MINK1: variants seen among roughly 807,000 people sequenced by gnomAD.
MINK1 encodes misshapen-like kinase 1.
Under a neutral mutation model 178.4 loss-of-function variants are expected in MINK1, and 46 were observed. The observed-to-expected ratio is 0.26, with a 90% CI of 0.20 to 0.33. The LOEUF (loss-of-function observed/expected upper bound fraction) is 0.33, where lower values mean the gene tolerates loss of function less well. Ranked by LOEUF, MINK1 falls within the 10% of genes least tolerant of loss-of-function variation. The pLI, the probability that MINK1 is intolerant of heterozygous loss-of-function variation, is 1.00. For synonymous variants in MINK1, 797 were observed against 709.7 expected (o/e 1.12, Z -1.96); for missense variants, 1,366 against 1,814.9 (o/e 0.75, Z 4.49).
intron 1 of MINK1, among the ~76,000 whole-genome samples, chr17:4,852,157 G>C (rs1912107267): frequency 6.6e-6 from 1 of 152,130 alleles, no homozygotes; most frequent in South Asian, 2.1e-4. Flanking sequence ...AATATTCAAG[G>C]ATTATTTTGG....
Position 4,892,248 on chromosome 17 carries a change from A to AG in MINK1, c.2087+17dup. 1.3e-6 allele frequency: 2 copies of AG among 1,559,822 alleles called. No individual in the cohort carries two copies. Among genetic ancestry groups the AG allele is most frequent in the Non-Finnish European group, 1.7e-6 (2 of 1,152,176 alleles). On this transcript the variant is annotated intron_variant, in intron 17 of 31. Transcript: ENST00000355280. ...AGTCCGTGCCAGGTAATGCCTGGGT[A>AG]GGGCAACGCCTGGGTGAGGTCTGAG...
At chr17:4,841,957 C>G (rs980492733) in intron 1 of MINK1, among the ~76,000 whole-genome samples, 3 of 152,018 alleles carry the variant, frequency 2.0e-5, no homozygotes, top group African/African-American at 7.3e-5. Flanking sequence ...CACGGTGGCT[C>G]ACGCCTGTAA....
rs889558468 is a variant in MINK1 at position 4,890,944 on chromosome 17, A to G, written c.1567-7A>G. The G allele has an allele frequency of 1.3e-6, 2 of 1,553,546 alleles. No individual in the cohort carries two copies. The highest frequency in any genetic ancestry group is 1.7e-6 in the Non-Finnish European group (2 of 1,148,142). On this transcript the variant is annotated splice_region_variant and splice_polypyrimidine_tract_variant and intron_variant, in intron 14 of 31. Coordinates refer to ENST00000355280, the MANE Select transcript of MINK1 (RefSeq NM_153827.5). ...GCTGGCCTGCTTGACATCCCTTCAC[A>G]TCACAGGTAGAAGAGAGAACAAGGA...
chr17:4,884,368 G>A lies in MINK1; in HGVS notation c.312G>A (p.Val104=). 1 of 1,613,810 alleles carries A rather than the reference G, an allele frequency of 6.2e-7. No homozygotes were observed. Among genetic ancestry groups the A allele is most frequent in the Non-Finnish European group, 8.5e-7 (1 of 1,179,718 alleles). Reference sequence around the variant, plus strand: ...GTACCTTCCTGGGATCCTAGCTGGTGATGGAGTTCTGTGGTGCTGGTTCAG... The same window carrying A: ...GTACCTTCCTGGGATCCTAGCTGGTAATGGAGTTCTGTGGTGCTGGTTCAG... ...PPGNDDQLWL[V]MEFCGAGSVT... is the part of the protein sequence containing the mutation. Residue 104 remains valine (V), a synonymous_variant, in exon 5 of 32, where the codon GTG becomes GTA. Transcript: ENST00000355280.
At position 4,881,226 on chromosome 17, in the gene MINK1, A is replaced by G. The variant is rs1312861833; in HGVS notation, c.275A>G (p.Lys92Arg). 2.0e-6 allele frequency: 3 copies of G among 1,537,238 alleles called. No homozygotes were observed. Among genetic ancestry groups the G allele is most frequent in the Non-Finnish European group, 2.6e-6 (3 of 1,146,894 alleles). Residue 92 changes from lysine (K) to arginine (R), a missense_variant, in exon 4 of 32, where the codon AAG (lysine) becomes AGG (arginine). Lys to Arg is a conservative substitution (Grantham distance 26). This residue lies in a region of MINK1 where 109 missense variants were observed against 369.4 expected (regional missense o/e 0.30). Transcript: ENST00000355280. ...ACCTACTACGGAGCCTTCATCAAGAAGAGCCCCCCGGGAAACGATGACCAG... is the reference window on the plus strand; with the variant it reads ...ACCTACTACGGAGCCTTCATCAAGAGGAGCCCCCCGGGAAACGATGACCAG... ...IATYYGAFIK[K>R]SPPGNDDQLW...
In MINK1 at chr17:4,885,798, C is replaced by A. The variant is rs1168551166; in HGVS notation, c.640-113C>A. On this transcript the variant is annotated intron_variant, in intron 7 of 31. Coordinates refer to ENST00000355280, the MANE Select transcript of MINK1 (RefSeq NM_153827.5). The surrounding 1 kb of genome is among the most constrained non-coding windows in gnomAD (Gnocchi z 5.0). ...TGGGATGGGTTGGAAGGCACTGCTG[C>A]AGGAATGGGTGTGGCCCAGGAAGGC... is the stretch of plus-strand genomic sequence containing the variant. The A allele has an allele frequency of 1.4e-6, 2 of 1,417,476 alleles. No individual in the cohort carries two copies. The highest frequency in any genetic ancestry group is 2.5e-5 in the South Asian group (2 of 81,396). The allele number at this position is 1,417,476 out of a possible 1,614,324, so 87.8% of individuals were successfully genotyped here. A position where few individuals can be genotyped will look rare whatever the true frequency, so the allele number is the denominator to read the frequency against.
chr17:4,872,430 G>A (rs1915965153), intron 1 of MINK1, among the ~76,000 whole-genome samples: 1 of 151,812 alleles, frequency 6.6e-6, no homozygotes, highest in African/African-American at 2.4e-5. Context: ...CTTTAGCTCA[G>A]GATTCAAGAC....
Position 4,893,596 on chromosome 17 carries a change from C to T in MINK1, c.2563C>T (p.Arg855Cys), listed in dbSNP as rs200443085. The T allele has an allele frequency of 1.9e-5, 29 of 1,531,890 alleles. No homozygotes were observed. Among genetic ancestry groups the T allele is most frequent in the Admixed American group, 1.2e-4 (6 of 48,660 alleles). The allele number at this position is 1,531,890 out of a possible 1,614,324, so 94.9% of individuals were successfully genotyped here. Residue 855 changes from arginine to cysteine, a missense_variant and splice_region_variant, in exon 21 of 32, where the codon CGC becomes TGC. Arg to Cys is a radical substitution (Grantham distance 180). This residue lies in a region of MINK1 where 709 missense variants were observed against 692.3 expected (regional missense o/e 1.02). Transcript: ENST00000355280. ...GGGGAGCAGAGATACCCCTGGGGGC[C>T]GGTACGGCATCGGGAGTGGGGCCCT... ...AEGSRDTPGG[R>C]SDGDTDSVST... is the part of the protein sequence containing the mutation.
rs754681785 is a variant in MINK1 at position 4,882,088 on chromosome 17, G to T, written c.306+831G>T. Reference sequence around the variant, plus strand: ...ACACACTCATGCACACAAAGAAAGGGAGAAAGGTGACAGGGAGGTCTACCT... The same window carrying T: ...ACACACTCATGCACACAAAGAAAGGTAGAAAGGTGACAGGGAGGTCTACCT... On this transcript the variant is annotated intron_variant, in intron 4 of 31. Coordinates refer to ENST00000355280, the MANE Select transcript of MINK1 (RefSeq NM_153827.5). 2.6e-4 allele frequency among the ~76,000 whole-genome samples: 40 copies of T among 152,258 alleles called. 1 individual carries two copies. Among genetic ancestry groups the T allele is most frequent in the Non-Finnish European group, 4.7e-4 (32 of 68,048 alleles).
chr17:4,862,806 A>G (rs1465431368), intron 1 of MINK1, among the ~76,000 whole-genome samples: 4 of 152,178 alleles, frequency 2.6e-5, no homozygotes, highest in Admixed American at 2.0e-4. Flanking sequence ...CCGAGGCAGC[A>G]GGATTGCTTG....
At chr17:4,850,470 G>A (rs1911764006) in intron 1 of MINK1, among the ~76,000 whole-genome samples, 1 of 151,886 alleles carries the variant, frequency 6.6e-6, no homozygotes, top group Non-Finnish European at 1.5e-5. Flanking sequence ...GAGTAACCCT[G>A]TTCTTTCTCA....
At chr17:4,857,117 A>T (rs1208921820) in intron 1 of MINK1, 1 of 243,696 alleles carries the variant, frequency 4.1e-6, no homozygotes, top group Non-Finnish European at 8.4e-6. Flanking sequence ...GGAAACTGCT[A>T]TAGAGACTGT....
chr17:4,896,705 G>T lies in MINK1; in HGVS notation c.3807G>T (p.Trp1269Cys). ...TCTGCTCCAACCAGATAATGGGCTG[G>T]GGTGAGAAAGCCATTGAGATCCGCT... Reference protein sequence around the residue: ...AYICSNQIMGWGEKAIEIRSV... With the variant: ...AYICSNQIMGCGEKAIEIRSV... Residue 1269 changes from tryptophan to cysteine, a missense_variant, in exon 31 of 32, where the codon TGG (tryptophan) becomes TGT (cysteine). This residue lies in a region of MINK1 where 201 missense variants were observed against 240.7 expected (regional missense o/e 0.84). Transcript: ENST00000355280. The surrounding 1 kb of genome is among the most constrained non-coding windows in gnomAD (Gnocchi z 4.6). 6.2e-7 allele frequency: 1 copy of T among 1,602,594 alleles called. No homozygotes were observed. The highest frequency in any genetic ancestry group is 8.5e-7 in the Non-Finnish European group (1 of 1,173,316).
In MINK1 at chr17:4,896,371, G is replaced by A; in HGVS notation, c.3615+29G>A. On this transcript the variant is annotated intron_variant, in intron 29 of 31. Transcript: ENST00000355280. This position sits in a 1 kb window ranked among gnomAD's most constrained non-coding sequence, Gnocchi z 4.6. Reference sequence around the variant, plus strand: ...AGCTTGGCGGGGCTGCTGGGGGAGTGGGATGGCCCAGTCTGGGCACCAGAC... The same window carrying A: ...AGCTTGGCGGGGCTGCTGGGGGAGTAGGATGGCCCAGTCTGGGCACCAGAC... 1 of 1,604,376 alleles carries A rather than the reference G, an allele frequency of 6.2e-7. No individual in the cohort carries two copies. Among genetic ancestry groups the A allele is most frequent in the Non-Finnish European group, 8.5e-7 (1 of 1,174,222 alleles).
chr17:4,863,380 T>C (rs1007954496), intron 1 of MINK1, among the ~76,000 whole-genome samples: 3 of 152,226 alleles, frequency 2.0e-5, no homozygotes, highest in Non-Finnish European at 2.9e-5. Context: ...CATGCACTCT[T>C]TGGCATCTTC....
At chr17:4,849,544 A>C (rs1171403799) in intron 1 of MINK1, among the ~76,000 whole-genome samples, 1 of 147,366 alleles carries the variant, frequency 6.8e-6, no homozygotes, top group East Asian at 1.9e-4. Context: ...CCCTTGGCTA[A>C]CTCTTGCCTG....
intron 16 of MINK1, 148 bp from the exon 17 acceptor site, chr17:4,892,001 A>G (rs886709599): frequency 6.5e-5 from 50 of 771,470 alleles, no homozygotes; most frequent in Non-Finnish European, 9.1e-5. Flanking sequence ...ATCCGGCTTC[A>G]TAACCCTGGA....
intron 1 of MINK1, among the ~76,000 whole-genome samples, chr17:4,848,751 C>A (rs1018019136): frequency 1.3e-5 from 2 of 152,210 alleles, no homozygotes; most frequent in African/African-American, 2.4e-5. Flanking sequence ...TCTGCCTCAG[C>A]CTCCCAAAGT....
intron 1 of MINK1, among the ~76,000 whole-genome samples, chr17:4,855,809 A>G (rs994020700): frequency 4.7e-5 from 7 of 149,764 alleles, no homozygotes; most frequent in Non-Finnish European, 8.9e-5. Context: ...CATCTCTACT[A>G]AAAATACAAA....
Sources: gnomAD v4.1 joint callset for allele counts (sites outside exome capture counted in the v4.1 genomes callset) on GRCh38, gnomAD v4.1.1 for gene constraint, gnomAD v4.1.1 regional missense constraint, Gnocchi (gnomAD v3.1) non-coding constraint, MANE v1.5 for transcripts, NCBI Gene and HGNC (gene_info 2026-07-23, HGNC 2026-07-21) for gene names.